The following ZC2HC1B variants were observed in gnomAD, a reference collection of about 807,000 sequenced individuals.
ZC2HC1B encodes zinc finger C2HC-type containing 1B.
ZC2HC1B carries 36 observed loss-of-function variants against 31.0 expected under a neutral mutation model. The observed-to-expected ratio is 1.16, with a 90% confidence interval of 0.89 to 1.54. The LOEUF (loss-of-function observed/expected upper bound fraction) is 1.54. Ranked by LOEUF, ZC2HC1B falls within the 40% of genes most tolerant of loss-of-function variation. The pLI, the probability that ZC2HC1B is intolerant of heterozygous loss-of-function variation, is 0.00. For missense variants in ZC2HC1B, 260 were observed against 268.6 expected, an observed-to-expected ratio of 0.97 and a Z score of 0.22; for synonymous variants, 73 against 88.0, an observed-to-expected ratio of 0.83 and a Z score of 0.95.
rs1778140117 is a variant in ZC2HC1B, at chr6:143,933,017, G to C, written c.599-4632G>C. Among the ~76,000 whole-genome samples the C allele has an allele frequency of 6.6e-6, 1 of 152,228 alleles. No individual in the cohort carries two copies. On this transcript the variant is annotated intron_variant, in intron 6 of 7. Transcript: ENST00000237275. This position sits in a 1 kb window ranked among gnomAD's most constrained non-coding sequence, Gnocchi z 6.4. Reference sequence around the variant, plus strand: ...TTTGTCTTCGGGTCTACCAGCCGTGGATACCAGCACCTGTTCTGATGGAGG... The same window carrying C: ...TTTGTCTTCGGGTCTACCAGCCGTGCATACCAGCACCTGTTCTGATGGAGG...
chr6:143,865,868 C>T lies in ZC2HC1B; in HGVS notation c.28+1301C>T, dbSNP rs1023066770. On this transcript the variant is annotated intron_variant, in intron 1 of 7. Coordinates refer to ENST00000237275, the MANE Select transcript of ZC2HC1B (RefSeq NM_001013623.3). The surrounding 1 kb of genome is among the most constrained non-coding windows in gnomAD (Gnocchi z 4.4). ...TCTTGCTCTGGCGCCCGAGCTGGAGCGCAGTAGTGCGATCTCATCTCACTG... is the reference window on the plus strand; with the variant it reads ...TCTTGCTCTGGCGCCCGAGCTGGAGTGCAGTAGTGCGATCTCATCTCACTG... Among the ~76,000 whole-genome samples the T allele has an allele frequency of 6.6e-5, 10 of 152,032 alleles. No homozygotes were observed. Among genetic ancestry groups the T allele is most frequent in the Admixed American group, 2.6e-4 (4 of 15,274 alleles).
Position 143,884,020 on chromosome 6 carries a change from G to T in ZC2HC1B, c.29-284G>T, listed in dbSNP as rs1266581725. Among the ~76,000 whole-genome samples the T allele has an allele frequency of 6.6e-6, 1 of 152,142 alleles. No individual in the cohort carries two copies. The highest frequency in any genetic ancestry group is 1.5e-5 in the Non-Finnish European group (1 of 68,026). ...CTTATGTCTCAAGCAAAGTTATCAGGCACTTCATGTAAGAATATATTAAAT... is the reference window on the plus strand; with the variant it reads ...CTTATGTCTCAAGCAAAGTTATCAGTCACTTCATGTAAGAATATATTAAAT... On this transcript the variant is annotated intron_variant, in intron 1 of 7. Transcript: ENST00000237275. The surrounding 1 kb of genome is among the most constrained non-coding windows in gnomAD (Gnocchi z 5.1).
intron 1 of ZC2HC1B, among the ~76,000 whole-genome samples, chr6:143,876,863 C>T (rs1188685732): frequency 6.7e-6 from 1 of 150,268 alleles, no homozygotes; most frequent in Non-Finnish European, 1.5e-5. Context: ...TATATTCTAG[C>T]CTTGCTGGCA....
In ZC2HC1B at chr6:143,913,854, G is replaced by T. The variant is rs920777998; in HGVS notation, c.598+10702G>T. ...GCCACCCTACTTTTCTTCATTCTCC[G>T]TGTATTGAGTTGTTTCCCTAATCAG... On this transcript the variant is annotated intron_variant, in intron 6 of 7. Coordinates refer to ENST00000237275, the MANE Select transcript of ZC2HC1B (RefSeq NM_001013623.3). This position sits in a 1 kb window ranked among gnomAD's most constrained non-coding sequence, Gnocchi z 5.7. Among the ~76,000 whole-genome samples, 1 of 152,140 alleles carries T rather than the reference G, an allele frequency of 6.6e-6. No homozygotes were observed. Among genetic ancestry groups the T allele is most frequent in the Admixed American group, 6.5e-5 (1 of 15,278 alleles).
chr6:143,897,957 C>A (rs1249126134), intron 4 of ZC2HC1B, among the ~76,000 whole-genome samples: 2 of 152,182 alleles, frequency 1.3e-5, no homozygotes, highest in Admixed American at 6.5e-5. Flanking sequence ...TAATTCATTT[C>A]ATTGAGAAGT....
At chr6:143,881,852 T>G (rs1777472242) in intron 1 of ZC2HC1B, 1 of 152,184 alleles carries the variant, frequency 6.6e-6, no homozygotes, top group Non-Finnish European at 1.5e-5. Context: ...GTGGTCCATC[T>G]GTATCCAAGT....
At chr6:143,897,974 GATTA>G (rs1340484924) in intron 4 of ZC2HC1B, among the ~76,000 whole-genome samples, 3 of 152,172 alleles carry the variant, frequency 2.0e-5, no homozygotes, top group East Asian at 1.9e-4. Flanking sequence ...AAGTTCTTAA[GATTA>G]ATTTTCTTTG....
Position 143,871,386 on chromosome 6 carries a change from T to C in ZC2HC1B, c.28+6819T>C, listed in dbSNP as rs1777333446. On this transcript the variant is annotated intron_variant, in intron 1 of 7. Coordinates refer to ENST00000237275, the MANE Select transcript of ZC2HC1B (RefSeq NM_001013623.3). The surrounding 1 kb of genome is among the most constrained non-coding windows in gnomAD (Gnocchi z 4.1). ...GAACAGTAAAGGTATATTGCTGGCC[T>C]TGCCAGCTGAAGGCAAATTGCTTCT... Among the ~76,000 whole-genome samples, 1 of 152,256 alleles carries C rather than the reference T, an allele frequency of 6.6e-6. No individual in the cohort carries two copies. The highest frequency in any genetic ancestry group is 1.5e-5 in the Non-Finnish European group (1 of 68,042).
Position 143,903,004 on chromosome 6 carries a change from A to C in ZC2HC1B, c.490-40A>C. On this transcript the variant is annotated intron_variant, in intron 5 of 7. Coordinates refer to ENST00000237275, the MANE Select transcript of ZC2HC1B (RefSeq NM_001013623.3). This position sits in a 1 kb window ranked among gnomAD's most constrained non-coding sequence, Gnocchi z 4.3. ...CTATGTGGCACCTGAGGTTACATACAGAAGGTGTTCTCTTTGTCTCTTTCT... is the reference window on the plus strand; with the variant it reads ...CTATGTGGCACCTGAGGTTACATACCGAAGGTGTTCTCTTTGTCTCTTTCT... 6.5e-7 allele frequency: 1 copy of C among 1,542,228 alleles called. No homozygotes were observed. The highest frequency in any genetic ancestry group is 1.4e-5 in the African/African-American group (1 of 72,976).
intron 1 of ZC2HC1B, among the ~76,000 whole-genome samples, chr6:143,866,609 C>G (rs1042989850): frequency 6.6e-6 from 1 of 152,208 alleles, no homozygotes; most frequent in African/African-American, 2.4e-5. Flanking sequence ...TGCCCTGTAT[C>G]TACATCTCCA....
intron 4 of ZC2HC1B, among the ~76,000 whole-genome samples, chr6:143,893,186 G>T (rs1422970574): frequency 6.6e-6 from 1 of 152,056 alleles, no homozygotes; most frequent in Non-Finnish European, 1.5e-5. Context: ...ATAGCCAATA[G>T]CACACGAAAA....
chr6:143,867,817 T>C (rs1422179184), intron 1 of ZC2HC1B, among the ~76,000 whole-genome samples: 1 of 152,226 alleles, frequency 6.6e-6, no homozygotes, highest in Non-Finnish European at 1.5e-5. Flanking sequence ...CTGGTTGCTC[T>C]TTGGTTGTTG....
At chr6:143,931,215 T>A (rs1227120839) in intron 6 of ZC2HC1B, among the ~76,000 whole-genome samples, 21 of 152,240 alleles carry the variant, frequency 1.4e-4, no homozygotes, top group Admixed American at 1.4e-3. Flanking sequence ...TAGCTGAGTC[T>A]CTTGAAGACA....
At chr6:143,866,333 C>A (rs943699038) in intron 1 of ZC2HC1B, among the ~76,000 whole-genome samples, 4 of 152,254 alleles carry the variant, frequency 2.6e-5, no homozygotes, top group African/African-American at 9.6e-5. Context: ...TTTCCATTAG[C>A]CCACAGTTGT....
In ZC2HC1B at chr6:143,865,906, C is replaced by G. The variant is rs1429824191; in HGVS notation, c.28+1339C>G. Among the ~76,000 whole-genome samples the G allele has an allele frequency of 2.0e-5, 3 of 152,190 alleles. No homozygotes were observed. The highest frequency in any genetic ancestry group is 1.3e-4 in the Admixed American group (2 of 15,286). ...TCTCATCTCACTGCAACCTCCAACT[C>G]CCGGGTTCAGGCGATTCCCCTGCCT... On this transcript the variant is annotated intron_variant, in intron 1 of 7. Transcript: ENST00000237275. The surrounding 1 kb of genome is among the most constrained non-coding windows in gnomAD (Gnocchi z 4.4).
chr6:143,877,260 T>C (rs1777416594), intron 1 of ZC2HC1B, among the ~76,000 whole-genome samples: 1 of 144,320 alleles, frequency 6.9e-6, no homozygotes. Context: ...CTCCTAAAGA[T>C]TTTTTTAATT....
At position 143,887,948 on chromosome 6, in the gene ZC2HC1B, T is replaced by C. The variant is rs1389662350; in HGVS notation, c.349+1127T>C. Among the ~76,000 whole-genome samples, 1 of 152,140 alleles carries C rather than the reference T, an allele frequency of 6.6e-6. No homozygotes were observed. Among genetic ancestry groups the C allele is most frequent in the Non-Finnish European group, 1.5e-5 (1 of 67,994 alleles). Reference sequence around the variant, plus strand: ...ATGTCCAGTGTATCTGTTTTTTCTTTTGTTGCCTGTGCTTTTGATGTCATA... The same window carrying C: ...ATGTCCAGTGTATCTGTTTTTTCTTCTGTTGCCTGTGCTTTTGATGTCATA... On this transcript the variant is annotated intron_variant, in intron 4 of 7. Transcript: ENST00000237275. This position sits in a 1 kb window ranked among gnomAD's most constrained non-coding sequence, Gnocchi z 5.1.
intron 4 of ZC2HC1B, among the ~76,000 whole-genome samples, chr6:143,888,649 A>T (rs1293065924): frequency 3.3e-5 from 5 of 152,048 alleles, no homozygotes; most frequent in Admixed American, 6.5e-5. Flanking sequence ...ATTCATTTTG[A>T]CATTATTATA....
intron 1 of ZC2HC1B, among the ~76,000 whole-genome samples, chr6:143,881,363 C>T (rs921180871): frequency 6.6e-6 from 1 of 151,758 alleles, no homozygotes; most frequent in Non-Finnish European, 1.5e-5. Flanking sequence ...CCAGTCTAAG[C>T]AATATAGTGA....
Sources: gnomAD v4.1 joint callset for allele counts (sites outside exome capture counted in the v4.1 genomes callset) on GRCh38, gnomAD v4.1.1 for gene constraint, Gnocchi (gnomAD v3.1) non-coding constraint, MANE v1.5 for transcripts, NCBI Gene and HGNC (gene_info 2026-07-23, HGNC 2026-07-21) for gene names.